The following PDE11A variants were observed in gnomAD, a reference collection of about 807,000 sequenced individuals.
PDE11A encodes dual 3',5'-cyclic-AMP and -GMP phosphodiesterase 11A.
Under a neutral mutation model 100.5 loss-of-function variants are expected in PDE11A, and 100 were observed. The observed-to-expected ratio is 1.00, with a 90% CI of 0.85 to 1.18. The LOEUF (loss-of-function observed/expected upper bound fraction) is 1.18. Among genes scored for constraint, PDE11A ranks in the 50% most tolerant of loss-of-function variants. The pLI, the probability that PDE11A is intolerant of heterozygous loss-of-function variation, is 0.00. For missense variants in PDE11A, 1,141 were observed against 1,152.6 expected, an observed-to-expected ratio of 0.99 and a Z score of 0.15; for synonymous variants, 381 against 420.8, an observed-to-expected ratio of 0.91 and a Z score of 1.16.
intron 3 of PDE11A, chr2:177,899,616 T>A: frequency 4.0e-6 from 1 of 249,704 alleles, no homozygotes; most frequent in Non-Finnish European, 8.2e-6. Context: ...AGGTGAATGC[T>A]AATTAAGTTT....
At chr2:178,019,781 A>G (rs1330942465) in intron 1 of PDE11A, among the ~76,000 whole-genome samples, 1 of 152,226 alleles carries the variant, frequency 6.6e-6, no homozygotes, top group African/African-American at 2.4e-5. Context: ...GGGAGAATAG[A>G]CAAAAGACAA....
chr2:177,685,918 T>A (rs570321447), intron 15 of PDE11A, among the ~76,000 whole-genome samples: 1 of 152,266 alleles, frequency 6.6e-6, no homozygotes, highest in South Asian at 2.1e-4. Flanking sequence ...TCAAACAGCA[T>A]CATAAGAATA....
At chr2:177,820,180 T>G (rs2083115107) in intron 7 of PDE11A, 40 bp downstream of exon 7, 1 of 1,064,430 alleles carries the variant, frequency 9.4e-7, no homozygotes, top group South Asian at 1.3e-5. Context: ...AACTTCTGTT[T>G]CTTTATTCAA....
chr2:177,835,403 C>G (rs1238683337), intron 6 of PDE11A, among the ~76,000 whole-genome samples: 3 of 152,084 alleles, frequency 2.0e-5, no homozygotes. Context: ...TAATTGTGTC[C>G]CCCTACTACA....
chr2:178,009,533 G>A (rs545207617), intron 2 of PDE11A, among the ~76,000 whole-genome samples: 1 of 146,812 alleles, frequency 6.8e-6, no homozygotes, highest in South Asian at 2.3e-4. Flanking sequence ...GGATTTTAAA[G>A]TCATTAAAAG....
chr2:178,009,325 G>A (rs988106531), intron 2 of PDE11A, among the ~76,000 whole-genome samples: 3 of 152,136 alleles, frequency 2.0e-5, no homozygotes, highest in Admixed American at 6.5e-5. Context: ...AACCCACAAA[G>A]TGAACCAGAA....
intron 2 of PDE11A, among the ~76,000 whole-genome samples, chr2:177,939,085 G>A (rs986665893): frequency 1.2e-4 from 18 of 152,066 alleles, no homozygotes; most frequent in Admixed American, 7.9e-4. Flanking sequence ...TTTAGTCTCT[G>A]GTATTTTGTT....
chr2:177,781,869 G>A (rs767414111), intron 9 of PDE11A, among the ~76,000 whole-genome samples: 1 of 152,134 alleles, frequency 6.6e-6, no homozygotes, highest in Non-Finnish European at 1.5e-5. Flanking sequence ...TTATCCAAAG[G>A]TATGAAGCCA....
At chr2:177,969,823 T>C (rs2085747313) in intron 2 of PDE11A, among the ~76,000 whole-genome samples, 1 of 152,172 alleles carries the variant, frequency 6.6e-6, no homozygotes, top group East Asian at 1.9e-4. Context: ...ATTCTAAAGA[T>C]TTTATTTCCA....
chr2:177,989,912 C>T (rs920851342), intron 2 of PDE11A, among the ~76,000 whole-genome samples: 24 of 152,288 alleles, frequency 1.6e-4, no homozygotes, highest in African/African-American at 5.5e-4. Flanking sequence ...AAAGTTTATT[C>T]ATATTCCAAT....
chr2:177,830,644 A>AATAATC (rs1174543498), intron 6 of PDE11A, among the ~76,000 whole-genome samples: 1 of 110,092 alleles, frequency 9.1e-6, no homozygotes, highest in African/African-American at 3.1e-5. Flanking sequence ...TAATAATAAT[A>AATAATC]ATAATCAGGT....
intron 9 of PDE11A, among the ~76,000 whole-genome samples, chr2:177,801,847 T>C (rs13421432): frequency 0.036 from 5,412 of 152,056 alleles, 291 homozygotes; most frequent in African/African-American, 0.11. Flanking sequence ...ATTAAAAAAC[T>C]GATAAATTAG....
chr2:177,689,444 G>T (rs1406631060), intron 15 of PDE11A, among the ~76,000 whole-genome samples: 1 of 152,184 alleles, frequency 6.6e-6, no homozygotes, highest in Non-Finnish European at 1.5e-5. Flanking sequence ...GCACAGATGT[G>T]TGGATGCGGT....
intron 2 of PDE11A, among the ~76,000 whole-genome samples, chr2:177,944,988 G>A (rs889782199): frequency 5.1e-4 from 76 of 149,966 alleles, no homozygotes; most frequent in African/African-American, 1.6e-3. Context: ...GCGCCGCCAC[G>A]CCTGACTGGT....
chr2:177,917,218 T>G (rs2105749358), intron 2 of PDE11A, among the ~76,000 whole-genome samples: 1 of 152,166 alleles, frequency 6.6e-6, no homozygotes, highest in South Asian at 2.1e-4. Context: ...AAAGTTCAAA[T>G]CACCCAATTC....
At chr2:178,047,187 C>A (rs2086762071) in intron 1 of PDE11A, among the ~76,000 whole-genome samples, 9 of 152,110 alleles carry the variant, frequency 5.9e-5, no homozygotes, top group Admixed American at 5.2e-4. Flanking sequence ...CAAGGCCGGG[C>A]ATGGTGGCTC....
chr2:177,946,582 C>T (rs1475765989), intron 2 of PDE11A, among the ~76,000 whole-genome samples: 620 of 69,596 alleles, frequency 8.9e-3, no homozygotes, highest in Admixed American at 0.014. Context: ...GCCGCCCCTA[C>T]TGGGAAGTGA....
chr2:177,965,661 G>C (rs2085689246), intron 2 of PDE11A, among the ~76,000 whole-genome samples: 1 of 152,170 alleles, frequency 6.6e-6, no homozygotes, highest in South Asian at 2.1e-4. Flanking sequence ...TCGAAGATCA[G>C]ATAGTTGTAG....
chr2:177,644,308 C>A (rs1574092066), intron 19 of PDE11A, among the ~76,000 whole-genome samples: 2 of 152,258 alleles, frequency 1.3e-5, no homozygotes, highest in Non-Finnish European at 2.9e-5. Context: ...ACCACAGGAA[C>A]CTACCTCTTG....
Sources: allele counts gnomAD v4.1 joint callset (sites outside exome capture counted in the v4.1 genomes callset), GRCh38; gene constraint gnomAD v4.1.1; transcripts MANE v1.5; gene names NCBI Gene and HGNC (gene_info 2026-07-23, HGNC 2026-07-21).